DCAF4: variants seen among roughly 807,000 people sequenced by gnomAD.
DCAF4 encodes the protein DDB1- and CUL4-associated factor 4.
Under a neutral mutation model 60.9 loss-of-function variants are expected in DCAF4, and 37 were observed. The ratio of observed to expected loss-of-function variants is 0.61; its 90% CI spans 0.47 to 0.80. DCAF4 has a LOEUF of 0.80. Among genes scored for constraint, DCAF4 ranks in the 30% least tolerant of loss-of-function variants. DCAF4 has a pLI of 0.00. For synonymous variants in DCAF4, 243 were observed against 254.8 expected (o/e 0.95, Z 0.44); for missense variants, 577 against 650.0 (o/e 0.89, Z 1.22).
chr14:72,940,381 G>A lies in DCAF4; in HGVS notation c.351+4G>A. 3.1e-6 allele frequency: 5 copies of A among 1,608,798 alleles called. No individual in the cohort carries two copies. Among genetic ancestry groups the A allele is most frequent in the Non-Finnish European group, 4.2e-6 (5 of 1,178,696 alleles). On this transcript the variant is annotated splice_donor_region_variant and intron_variant, in intron 4 of 13. Transcript: ENST00000358377. ...GGAAGAAGACAGACGGAAAAAGGTG[G>A]GCTCCTCACCCCTTCGCCCCCTGTC... is the stretch of plus-strand genomic sequence containing the variant.
Position 72,947,160 on chromosome 14 carries a change from G to A in DCAF4, c.697G>A (p.Ala233Thr), listed in dbSNP as rs1465018349. 1 of 1,614,088 alleles carries A rather than the reference G, an allele frequency of 6.2e-7. No homozygotes were observed. Among genetic ancestry groups the A allele is most frequent in the Non-Finnish European group, 8.5e-7 (1 of 1,180,010 alleles). The change falls in exon 8 of 14, where the codon GCC (alanine) becomes ACC (threonine). Residue 233 changes from alanine to threonine, a missense_variant. By Grantham distance (58) the Ala-to-Thr change is moderately conservative. Transcript: ENST00000358377. The stretch of plus-strand genomic sequence containing the variant: ...TCACCAGGTGAATTCGGTGTGCTGG[G>A]CCTCGCTGAATCACTTGGATTCCCA... ...TNRKVNSVCWASLNHLDSHIL... is the reference protein window; with the variant it reads ...TNRKVNSVCWTSLNHLDSHIL...
chr14:72,951,193 C>G (rs567957052), intron 8 of DCAF4, among the ~76,000 whole-genome samples: 1 of 152,102 alleles, frequency 6.6e-6, no homozygotes, highest in Admixed American at 6.5e-5. Flanking sequence ...GTTTCCCAGG[C>G]TGGTCTCGAA....
At chr14:72,938,103 C>T (rs767615309) in intron 2 of DCAF4, 33 bp downstream of exon 2, 1 of 1,572,680 alleles carries the variant, frequency 6.4e-7, no homozygotes, top group Non-Finnish European at 8.6e-7. Context: ...CCACTTTTGC[C>T]CAGTGTGCTT....
intron 6 of DCAF4, among the ~76,000 whole-genome samples, 169 bp downstream of exon 6, chr14:72,943,265 G>A (rs926637394): frequency 6.6e-6 from 1 of 152,178 alleles, no homozygotes; most frequent in African/African-American, 2.4e-5. Context: ...TACCCGCTGG[G>A]AGACGCTGAG....
intron 3 of DCAF4, among the ~76,000 whole-genome samples, 155 bp downstream of exon 3, chr14:72,940,057 C>G (rs977608679): frequency 2.6e-5 from 4 of 152,194 alleles, no homozygotes; most frequent in African/African-American, 9.6e-5. Flanking sequence ...ACCGCCTCCC[C>G]CAGGACTGAG....
At chr14:72,932,692 A>T (rs1888724870) in intron 1 of DCAF4, among the ~76,000 whole-genome samples, 1 of 152,164 alleles carries the variant, frequency 6.6e-6, no homozygotes, top group Non-Finnish European at 1.5e-5. Context: ...CTTCCTACAT[A>T]GAACAGGTTT....
chr14:72,958,470 A>G, intron 13 of DCAF4, 142 bp from the exon 14 acceptor site: 3 of 977,024 alleles, frequency 3.1e-6, no homozygotes, highest in Non-Finnish European at 4.5e-6. Flanking sequence ...TTATCCGTAG[A>G]AATACTGTCC....
intron 1 of DCAF4, among the ~76,000 whole-genome samples, chr14:72,927,640 C>T (rs3965998): frequency 0.011 from 1,617 of 152,122 alleles, 24 homozygotes; most frequent in Middle Eastern, 0.024. Context: ...CGTGAGCCAC[C>T]GCGCCCGGCC....
intron 1 of DCAF4, among the ~76,000 whole-genome samples, chr14:72,935,665 G>A (rs1889172387): frequency 6.6e-6 from 1 of 152,178 alleles, no homozygotes; most frequent in Non-Finnish European, 1.5e-5. Context: ...GCTCTCCCTG[G>A]CCCAAATTGG....
chr14:72,951,734 A>T, intron 8 of DCAF4, 64 bp from the exon 9 acceptor site: 1 of 1,524,766 alleles, frequency 6.6e-7, no homozygotes, highest in East Asian at 2.3e-5. Context: ...TCTGAAGGGT[A>T]AATGTCCATG....
chr14:72,946,263 C>T (rs1273487921), intron 7 of DCAF4, among the ~76,000 whole-genome samples: 2 of 150,200 alleles, frequency 1.3e-5, no homozygotes, highest in Non-Finnish European at 3.0e-5. Context: ...AGTGTGGTGG[C>T]GCGCACCTGT....
At chr14:72,937,448 T>C in intron 1 of DCAF4, among the ~76,000 whole-genome samples, 1 of 145,214 alleles carries the variant, frequency 6.9e-6, no homozygotes, top group Non-Finnish European at 1.5e-5. Context: ...TGTCTTGCTC[T>C]GTCGCCCAGG....
intron 9 of DCAF4, among the ~76,000 whole-genome samples, chr14:72,952,491 G>A (rs914964233): frequency 5.3e-5 from 8 of 152,162 alleles, no homozygotes; most frequent in African/African-American, 1.9e-4. Context: ...TCATTGCACA[G>A]CAAGCTTATG....
chr14:72,950,201 C>T (rs1030108085), intron 8 of DCAF4, among the ~76,000 whole-genome samples: 17 of 152,042 alleles, frequency 1.1e-4, no homozygotes, highest in Admixed American at 2.6e-4. Context: ...GATAGACGGA[C>T]GAGAGCAAGT....
chr14:72,945,964 A>G lies in DCAF4; in HGVS notation c.615A>G (p.Gln205=). 1 of 1,614,124 alleles carries G rather than the reference A, an allele frequency of 6.2e-7. No individual in the cohort carries two copies. Among genetic ancestry groups the G allele is most frequent in the Non-Finnish European group, 8.5e-7 (1 of 1,180,028 alleles). The change falls in exon 7 of 14, where the codon CAA becomes CAG. Residue 205 remains glutamine, a synonymous_variant. Transcript: ENST00000358377. ...GGSKYGIINL[Q]SLKTPTLKVF... ...CCAAGTATGGTATCATCAACCTGCA[A>G]AGTCTGAAGACCCCTACGCTCAAGG...
At chr14:72,940,021 C>A in intron 3 of DCAF4, 119 bp downstream of exon 3, 2 of 1,197,426 alleles carry the variant, frequency 1.7e-6, no homozygotes, top group Non-Finnish European at 2.3e-6. Context: ...GAGCTGGGTG[C>A]GTCAGGAATG....
intron 1 of DCAF4, among the ~76,000 whole-genome samples, chr14:72,934,337 A>G (rs1362022972): frequency 6.6e-6 from 1 of 152,030 alleles, no homozygotes; most frequent in African/African-American, 2.4e-5. Context: ...TATTTTTAGT[A>G]GAGACGGGGT....
Position 72,940,221 on chromosome 14 carries a change from G to A in DCAF4, c.195G>A (p.Glu65=). The change falls in exon 4 of 14, where the codon GAG becomes GAA. Residue 65 remains glutamate, a splice_region_variant and synonymous_variant. Transcript: ENST00000358377. The stretch of plus-strand genomic sequence containing the variant: ...TGCATTTAATTTTTTTGTCTAAAGA[G>A]CTACCTGGGTTTTACTTTGACCCTG... The part of the protein sequence containing the change: ...SGTAGTSSVP[E]LPGFYFDPEK... 1 of 1,614,010 alleles carries A rather than the reference G, an allele frequency of 6.2e-7. No homozygotes were observed. Among genetic ancestry groups the A allele is most frequent in the East Asian group, 2.2e-5 (1 of 44,866 alleles).
intron 12 of DCAF4, among the ~76,000 whole-genome samples, chr14:72,956,034 T>C (rs1386512501): frequency 6.8e-6 from 1 of 147,828 alleles, no homozygotes; most frequent in Admixed American, 7.0e-5. Flanking sequence ...GCGATTCTCC[T>C]GCCTCAGCCT....
Sources: gnomAD v4.1 joint callset for allele counts (sites outside exome capture counted in the v4.1 genomes callset) on GRCh38, gnomAD v4.1.1 for gene constraint, MANE v1.5 for transcripts, NCBI Gene and HGNC (gene_info 2026-07-23, HGNC 2026-07-21) for gene names.